Variants in MALT1 observed in about 807,000 individuals in gnomAD.
MALT1 encodes the protein MALT1 paracaspase, also known as mucosa-associated lymphoid tissue lymphoma translocation protein 1.
Under a neutral mutation model 85.5 loss-of-function variants are expected in MALT1, and 36 were observed. The ratio of observed to expected loss-of-function variants is 0.42; its 90% CI spans 0.32 to 0.56. The LOEUF is 0.56. Ranked by LOEUF, MALT1 falls within the 20% of genes least tolerant of loss-of-function variation. The probability of loss-of-function intolerance (pLI) is 0.10; values close to 1 mark genes in which losing one functional copy is unlikely to be tolerated. For synonymous variants in MALT1, 359 were observed against 361.3 expected (o/e 0.99, Z 0.07); for missense variants, 716 against 981.6 (o/e 0.73, Z 3.62).
intron 3 of MALT1, among the ~76,000 whole-genome samples, chr18:58,698,925 C>G (rs62094041): frequency 0.57 from 85,941 of 152,054 alleles, 25,530 homozygotes; most frequent in Non-Finnish European, 0.67. Context: ...ATTTATGGTA[C>G]TTTTACTCTT....
At position 58,709,518 on chromosome 18, in the gene MALT1, G is replaced by C. The variant is rs1303874512; in HGVS notation, c.790G>C (p.Glu264Gln). ...TCCTCACTACCAGTGGTTCAAAAAT[G>C]AATTACCATTAACACATGAGACCAA... The part of the protein sequence containing the change: ...PIPHYQWFKN[E>Q]LPLTHETKKL... The change falls in exon 5 of 17, where the codon GAA becomes CAA. Residue 264 changes from glutamate to glutamine, a missense_variant. Around this residue, in one of 4 missense-constraint regions of MALT1, gnomAD observed 290 missense variants for 380.5 expected, o/e 0.76. Transcript: ENST00000649217. 1 of 1,612,186 alleles carries C rather than the reference G, an allele frequency of 6.2e-7. No individual in the cohort carries two copies. The highest frequency in any genetic ancestry group is 2.2e-5 in the East Asian group (1 of 44,812).
At chr18:58,732,915 TA>T (rs140837859) in intron 10 of MALT1, among the ~76,000 whole-genome samples, 18,281 of 150,742 alleles carry the variant, frequency 0.12, 2,012 homozygotes, top group African/African-American at 0.29. Context: ...TTTATTTATT[TA>T]TTTATTTATT....
At chr18:58,700,346 C>G (rs1053856301) in intron 3 of MALT1, 95 bp from the exon 4 acceptor site, 1 of 986,972 alleles carries the variant, frequency 1.0e-6, no homozygotes, top group Non-Finnish European at 1.4e-6. Context: ...GTTGCACTTT[C>G]AAAGCTTCAT....
intron 2 of MALT1, among the ~76,000 whole-genome samples, chr18:58,695,537 A>G (rs12957269): frequency 0.44 from 66,249 of 152,096 alleles, 15,662 homozygotes; most frequent in African/African-American, 0.63. Flanking sequence ...TCATTTCAAT[A>G]CTAAATAATA....
At chr18:58,693,882 G>C (rs2054549707) in intron 2 of MALT1, among the ~76,000 whole-genome samples, 1 of 152,170 alleles carries the variant, frequency 6.6e-6, no homozygotes, top group South Asian at 2.1e-4. Flanking sequence ...TTTATTACTT[G>C]TTCTCTTTTG....
intron 2 of MALT1, among the ~76,000 whole-genome samples, chr18:58,689,944 C>T (rs1006738711): frequency 3.9e-5 from 6 of 152,124 alleles, no homozygotes; most frequent in East Asian, 1.9e-4. Flanking sequence ...TGGAGAAGAG[C>T]GGAGGGGCCA....
At chr18:58,695,693 C>T (rs1477893351) in intron 2 of MALT1, among the ~76,000 whole-genome samples, 3 of 152,144 alleles carry the variant, frequency 2.0e-5, no homozygotes, top group African/African-American at 7.2e-5. Flanking sequence ...GATCAAAGAA[C>T]CAGCTTCTGA....
At chr18:58,700,680 AT>A in intron 4 of MALT1, 89 bp downstream of exon 4, 6 of 1,193,492 alleles carry the variant, frequency 5.0e-6, no homozygotes, top group Non-Finnish European at 5.5e-6. Flanking sequence ...ATTTCAAAGT[AT>A]CAAAAAACAT....
intron 6 of MALT1, among the ~76,000 whole-genome samples, chr18:58,710,485 G>C (rs916675513): frequency 1.3e-5 from 2 of 152,114 alleles, no homozygotes; most frequent in Non-Finnish European, 2.9e-5. Context: ...AGGAGTTTGA[G>C]ACCAGCCCGG....
At chr18:58,700,800 G>GT (rs1170231270) in intron 4 of MALT1, among the ~76,000 whole-genome samples, 1 of 151,432 alleles carries the variant, frequency 6.6e-6, no homozygotes, top group African/African-American at 2.4e-5. Context: ...TGGTTTTGTT[G>GT]TTTTTTAAGA....
chr18:58,737,677 G>C (rs957978450), intron 13 of MALT1, among the ~76,000 whole-genome samples: 19 of 152,132 alleles, frequency 1.2e-4, no homozygotes, highest in African/African-American at 4.6e-4. Context: ...CCACCTCCCA[G>C]GTTCAAGTGA....
At chr18:58,673,535 A>G (rs912030574) in intron 1 of MALT1, among the ~76,000 whole-genome samples, 1 of 151,790 alleles carries the variant, frequency 6.6e-6, no homozygotes, top group African/African-American at 2.4e-5. Flanking sequence ...GCTCACTACA[A>G]CCTCCGCCTC....
At chr18:58,691,378 TC>T in intron 2 of MALT1, 1 of 728,290 alleles carries the variant, frequency 1.4e-6, no homozygotes, top group Admixed American at 2.2e-5. Flanking sequence ...CAGGCCCAGC[TC>T]CTCTGTGGCA....
At chr18:58,688,006 G>A (rs192978904) in intron 2 of MALT1, among the ~76,000 whole-genome samples, 6 of 152,282 alleles carry the variant, frequency 3.9e-5, no homozygotes, top group East Asian at 3.9e-4. Context: ...TGTGTTCACC[G>A]TTTAAAATAG....
At chr18:58,730,513 A>G (rs1386548721) in intron 10 of MALT1, among the ~76,000 whole-genome samples, 2 of 151,244 alleles carry the variant, frequency 1.3e-5, no homozygotes, top group Non-Finnish European at 2.9e-5. Flanking sequence ...ATAATATTCT[A>G]TTATATGATT....
At chr18:58,717,737 C>A (rs1297611206) in intron 9 of MALT1, among the ~76,000 whole-genome samples, 1 of 121,060 alleles carries the variant, frequency 8.3e-6, no homozygotes, top group African/African-American at 3.2e-5. Context: ...CAGAGTAAGA[C>A]TCTTGTCTCA....
chr18:58,686,571 A>C (rs1186997500), intron 2 of MALT1, among the ~76,000 whole-genome samples: 1 of 151,446 alleles, frequency 6.6e-6, no homozygotes, highest in Non-Finnish European at 1.5e-5. Flanking sequence ...ATTTTATTTC[A>C]CTCTTCATAT....
Position 58,688,494 on chromosome 18 carries a change from A to C in MALT1, c.376+7158A>C, listed in dbSNP as rs996770347. Among the ~76,000 whole-genome samples, 4 of 147,234 alleles carry C rather than the reference A, an allele frequency of 2.7e-5. No individual in the cohort carries two copies. In the South Asian group the frequency reaches 6.6e-4, roughly 24 times the overall value. On this transcript the variant is annotated intron_variant, in intron 2 of 16. Coordinates refer to ENST00000649217, the MANE Select transcript of MALT1 (RefSeq NM_006785.4). ...CTTGAGGCCAGCAGTTCCAGGCAAC[A>C]TATGAGGCCAACCTGGGCAACATAA...
At chr18:58,719,844 G>A (rs191488458) in intron 9 of MALT1, among the ~76,000 whole-genome samples, 44 of 152,246 alleles carry the variant, frequency 2.9e-4, no homozygotes, top group South Asian at 1.0e-3. Context: ...ACTTTATTTT[G>A]TAGGACATGG....
Sources: gnomAD v4.1 joint callset for allele counts (sites outside exome capture counted in the v4.1 genomes callset) on GRCh38, gnomAD v4.1.1 for gene constraint, gnomAD v4.1.1 regional missense constraint, MANE v1.5 for transcripts, NCBI Gene and HGNC (gene_info 2026-07-23, HGNC 2026-07-21) for gene names.